The following DLGAP1 variants were observed in gnomAD, a reference collection of about 807,000 sequenced individuals.
DLGAP1 encodes the protein disks large-associated protein 1.
A neutral mutation model predicts 90.8 loss-of-function variants in DLGAP1; 11 were observed. The ratio of observed to expected loss-of-function variants is 0.12; its 90% confidence interval spans 0.08 to 0.20. The LOEUF is 0.20. DLGAP1 is among the 10% of genes least tolerant of loss of function. The probability of loss-of-function intolerance (pLI) is 1.00; values close to 1 mark genes in which losing one functional copy is unlikely to be tolerated. For missense variants in DLGAP1, 1,050 were observed against 1,333.8 expected (o/e 0.79, Z 3.31); for synonymous variants, 558 against 540.7 (o/e 1.03, Z -0.44).
At chr18:4,387,704 G>A (rs191209524) in intron 1 of DLGAP1, among the ~76,000 whole-genome samples, 12 of 152,198 alleles carry the variant, frequency 7.9e-5, no homozygotes, top group Non-Finnish European at 1.8e-4. Flanking sequence ...AGGCTGAGGC[G>A]GGCAGATCAT....
intron 1 of DLGAP1, among the ~76,000 whole-genome samples, chr18:4,208,722 G>C (rs760046070): frequency 1.4e-4 from 21 of 152,038 alleles, no homozygotes; most frequent in Non-Finnish European, 2.2e-4. Flanking sequence ...GGGTGACAGA[G>C]AGAAAAAGAG....
At chr18:4,143,288 C>T (rs1381297186) in intron 2 of DLGAP1, among the ~76,000 whole-genome samples, 1 of 151,988 alleles carries the variant, frequency 6.6e-6, no homozygotes, top group Non-Finnish European at 1.5e-5. Flanking sequence ...TAGAAATCAA[C>T]CTGATGCCCT....
Position 4,086,098 on chromosome 18 carries a change from T to C in DLGAP1, c.-159+65082A>G, listed in dbSNP as rs1042367669. ...AATGTCCAACTCTGCTTCTTTCTGG[T>C]GTGGGGACAATCTGAGCTGTGATAA... On this transcript the variant is annotated intron_variant, in intron 2 of 12. Transcript: ENST00000315677. Among the ~76,000 whole-genome samples the C allele has an allele frequency of 2.0e-5, 3 of 152,300 alleles. No homozygotes were observed. In the East Asian group the frequency reaches 5.8e-4, roughly 29 times the overall value.
At chr18:3,728,988 T>C (rs568305810) in intron 7 of DLGAP1, 147 bp downstream of exon 7, 9 of 1,239,020 alleles carry the variant, frequency 7.3e-6, no homozygotes, top group African/African-American at 1.5e-5. Flanking sequence ...TAGAGGCAGA[T>C]AGGGAAGGAA....
intron 2 of DLGAP1, among the ~76,000 whole-genome samples, chr18:4,008,064 CCT>C (rs2074340470): frequency 6.6e-6 from 1 of 152,092 alleles, no homozygotes; most frequent in African/African-American, 2.4e-5. Flanking sequence ...TGGGCTGTTT[CCT>C]CTGTCTGGAC....
intron 5 of DLGAP1, among the ~76,000 whole-genome samples, chr18:3,768,030 G>A (rs1042383871): frequency 6.6e-6 from 1 of 152,052 alleles, no homozygotes; most frequent in South Asian, 2.1e-4. Context: ...TCTGTTTGCA[G>A]ATGACATGAT....
intron 3 of DLGAP1, among the ~76,000 whole-genome samples, chr18:3,900,821 G>A (rs947710494): frequency 2.6e-5 from 4 of 151,968 alleles, no homozygotes; most frequent in African/African-American, 9.7e-5. Context: ...ATTTGGTTTC[G>A]GGTACTGATA....
rs901891339 is a variant in DLGAP1 at position 3,523,678 on chromosome 18, T to C, written c.2479+10516A>G. ...CTGGCTAACACGGTGAAACCCCGTC[T>C]CTACTAAAAATACAAAAAATTAGCC... On this transcript the variant is annotated intron_variant, in intron 10 of 12. Transcript: ENST00000315677. Among the ~76,000 whole-genome samples the C allele has an allele frequency of 3.9e-5, 6 of 151,934 alleles. No homozygotes were observed. The East Asian group carries it at 7.8e-4, about 20-fold the overall frequency.
chr18:4,052,849 G>GTT (rs1271232108), intron 2 of DLGAP1, among the ~76,000 whole-genome samples: 1 of 152,120 alleles, frequency 6.6e-6, no homozygotes, highest in Non-Finnish European at 1.5e-5. Context: ...TATCTATAGG[G>GTT]TGGAGGCAAA....
In DLGAP1 at chr18:3,923,003, G is replaced by A. The variant is rs567293947; in HGVS notation, c.-72-42863C>T. On this transcript the variant is annotated intron_variant, in intron 3 of 12. Transcript: ENST00000315677. ...ATAAAAATTAGCTGGGCGTGGTGGC[G>A]CACGCCTGTGGTCCCAGCTACTCGG... Among the ~76,000 whole-genome samples, 86 of 151,878 alleles carry A rather than the reference G, an allele frequency of 5.7e-4. 1 individual carries two copies. The highest frequency in any genetic ancestry group is 1.7e-3 in the Admixed American group (26 of 15,262).
chr18:3,776,331 A>T (rs2064935897), intron 5 of DLGAP1, among the ~76,000 whole-genome samples: 1 of 152,190 alleles, frequency 6.6e-6, no homozygotes, highest in African/African-American at 2.4e-5. Context: ...GTCTCCAGGG[A>T]AAGTAGTGCT....
chr18:4,074,964 G>T (rs2075502715), intron 2 of DLGAP1, among the ~76,000 whole-genome samples: 1 of 152,114 alleles, frequency 6.6e-6, no homozygotes, highest in African/African-American at 2.4e-5. Flanking sequence ...TTCTAGTAAA[G>T]AAACTTTGTT....
chr18:3,561,268 A>C (rs1343671329), intron 9 of DLGAP1, among the ~76,000 whole-genome samples: 35 of 78,184 alleles, frequency 4.5e-4, no homozygotes, highest in East Asian at 2.8e-3. Flanking sequence ...AAAAAAAACA[A>C]AAAAAAAAAA....
intron 7 of DLGAP1, among the ~76,000 whole-genome samples, chr18:3,716,375 A>G (rs947142233): frequency 3.9e-5 from 6 of 151,960 alleles, no homozygotes; most frequent in Admixed American, 6.5e-5. Context: ...TCTCTAGAAA[A>G]AATTTTTAAA....
chr18:4,059,604 G>A (rs946699208), intron 2 of DLGAP1, among the ~76,000 whole-genome samples: 4 of 152,022 alleles, frequency 2.6e-5, no homozygotes, highest in South Asian at 4.1e-4. Flanking sequence ...CCAGCTACTC[G>A]GGAGGCTGAG....
intron 1 of DLGAP1, among the ~76,000 whole-genome samples, chr18:4,384,070 G>A (rs1035112640): frequency 2.0e-5 from 3 of 152,068 alleles, no homozygotes; most frequent in African/African-American, 4.8e-5. Flanking sequence ...TTGGTCAACA[G>A]CAACGAGACT....
intron 2 of DLGAP1, chr18:4,013,637 C>G (rs562822630): frequency 6.6e-6 from 1 of 152,278 alleles, no homozygotes; most frequent in Admixed American, 6.5e-5. Flanking sequence ...TCTCATACTT[C>G]CGGAGAAATA....
intron 10 of DLGAP1, among the ~76,000 whole-genome samples, chr18:3,514,165 G>A (rs1283723949): frequency 6.7e-6 from 1 of 150,046 alleles, no homozygotes; most frequent in East Asian, 2.0e-4. Context: ...GGAGTGCAGT[G>A]GCACGATCTC....
chr18:4,278,468 A>G (rs1296939899), intron 1 of DLGAP1, among the ~76,000 whole-genome samples: 5 of 152,062 alleles, frequency 3.3e-5, no homozygotes, highest in African/African-American at 7.2e-5. Flanking sequence ...GTCTCCAGTG[A>G]TTATTAGTTC....
Sources: gnomAD v4.1 joint callset for allele counts (sites outside exome capture counted in the v4.1 genomes callset) on GRCh38, gnomAD v4.1.1 for gene constraint, MANE v1.5 for transcripts, NCBI Gene and HGNC (gene_info 2026-07-23, HGNC 2026-07-21) for gene names.